Variants in FAM227B observed in about 807,000 individuals in gnomAD.
FAM227B encodes the protein family with sequence similarity 227 member B.
In FAM227B, 88 loss-of-function variants were observed where a neutral mutation model predicts 73.8. The observed-to-expected ratio is 1.19, with a 90% CI of 1.00 to 1.42. The LOEUF (loss-of-function observed/expected upper bound fraction) is 1.42, where lower values mean the gene tolerates loss of function less well. FAM227B is among the 40% of genes most tolerant of loss of function. The pLI is 0.00. For synonymous variants in FAM227B, 210 were observed against 190.5 expected (o/e 1.10, Z -0.84); for missense variants, 632 against 590.9 (o/e 1.07, Z -0.72).
rs563473641 is a variant in FAM227B at position 49,423,377 on chromosome 15, A to G, written c.1013-51978T>C. The G allele has an allele frequency of 2.0e-5, 3 of 152,316 alleles. No individual in the cohort carries two copies. In the East Asian group the frequency reaches 5.8e-4, roughly 29 times the overall value. 9.4% of individuals were successfully genotyped at this position (152,316 alleles called of 1,614,324 possible). ...GTTTGTAGCTACAGTAGAAAGGCTC[A>G]AGTTGCACCAGGCAGACAACAGACA... On this transcript the variant is annotated intron_variant, in intron 11 of 15. Coordinates refer to ENST00000299338, the MANE Select transcript of FAM227B (RefSeq NM_152647.3).
intron 11 of FAM227B, among the ~76,000 whole-genome samples, chr15:49,410,332 T>G (rs534528947): frequency 6.6e-6 from 1 of 152,182 alleles, no homozygotes. Flanking sequence ...ATAGGCCACG[T>G]TGTTTCATGC....
chr15:49,376,424 AC>A (rs1431213710), intron 11 of FAM227B, among the ~76,000 whole-genome samples: 2 of 151,964 alleles, frequency 1.3e-5, no homozygotes, highest in Non-Finnish European at 2.9e-5. Context: ...AAAATCAATG[AC>A]CCATGAATGT....
intron 11 of FAM227B, among the ~76,000 whole-genome samples, chr15:49,501,639 G>A (rs756479783): frequency 3.9e-5 from 6 of 152,260 alleles, no homozygotes; most frequent in Non-Finnish European, 8.8e-5. Context: ...GCCTAGCCAT[G>A]TGGCAGAGAA....
chr15:49,620,078 C>T (rs768997682), intron 1 of FAM227B: 2 of 152,174 alleles, frequency 1.3e-5, no homozygotes, highest in African/African-American at 2.4e-5. Flanking sequence ...CCCACACAAT[C>T]CCCTTTCCAG....
intron 11 of FAM227B, among the ~76,000 whole-genome samples, chr15:49,458,838 T>G (rs190324306): frequency 1.1e-3 from 161 of 152,280 alleles, no homozygotes; most frequent in Non-Finnish European, 1.7e-3. Context: ...TTCAAAGTAT[T>G]TCCCCCCTGC....
At chr15:49,448,201 T>C (rs1010390662) in intron 11 of FAM227B, among the ~76,000 whole-genome samples, 2 of 151,768 alleles carry the variant, frequency 1.3e-5, no homozygotes, top group African/African-American at 4.8e-5. Flanking sequence ...AACTTTCTTT[T>C]CAACCTTCTC....
At chr15:49,617,018 ATT>A (rs2078332968) in intron 1 of FAM227B, among the ~76,000 whole-genome samples, 1 of 151,966 alleles carries the variant, frequency 6.6e-6, no homozygotes, top group African/African-American at 2.4e-5. Context: ...AATTTCATTG[ATT>A]TATTCTTATC....
At chr15:49,381,661 G>A (rs1276520481) in intron 11 of FAM227B, among the ~76,000 whole-genome samples, 1 of 152,128 alleles carries the variant, frequency 6.6e-6, no homozygotes, top group African/African-American at 2.4e-5. Context: ...ACACTGCTCT[G>A]TAAATCCTAA....
chr15:49,556,635 C>T (rs1034890287), intron 9 of FAM227B, among the ~76,000 whole-genome samples: 9 of 151,638 alleles, frequency 5.9e-5, no homozygotes, highest in African/African-American at 1.9e-4. Context: ...CTGCAAGCAA[C>T]CATGGAAAGG....
chr15:49,378,635 G>A (rs1184999061), intron 11 of FAM227B, among the ~76,000 whole-genome samples: 1 of 152,084 alleles, frequency 6.6e-6, no homozygotes, highest in South Asian at 2.1e-4. Context: ...ATGTGCTACT[G>A]ATTTTTGTTT....
chr15:49,591,031 T>TG (rs1567655429), intron 3 of FAM227B, among the ~76,000 whole-genome samples: 10 of 140,350 alleles, frequency 7.1e-5, no homozygotes, highest in African/African-American at 2.7e-4. Flanking sequence ...TTTTTTTTGT[T>TG]TTTTTTTTTT....
At chr15:49,388,544 G>A (rs1448750031) in intron 11 of FAM227B, among the ~76,000 whole-genome samples, 6 of 151,630 alleles carry the variant, frequency 4.0e-5, no homozygotes, top group African/African-American at 4.8e-5. Context: ...AGAAGACAAC[G>A]TTGGAAAAAC....
intron 3 of FAM227B, among the ~76,000 whole-genome samples, chr15:49,606,794 T>C (rs1283363270): frequency 6.6e-6 from 1 of 152,130 alleles, no homozygotes; most frequent in African/African-American, 2.4e-5. Context: ...TAATACTAAA[T>C]TGTTTAGGAA....
intron 3 of FAM227B, among the ~76,000 whole-genome samples, chr15:49,592,562 C>T (rs959281884): frequency 2.6e-5 from 4 of 152,186 alleles, no homozygotes; most frequent in African/African-American, 9.7e-5. Context: ...CTGGAAGCTT[C>T]GTCCCACAGT....
intron 14 of FAM227B, 59 bp from the exon 15 acceptor site, chr15:49,331,908 C>T (rs1365207919): frequency 2.1e-6 from 2 of 936,230 alleles, no homozygotes; most frequent in Non-Finnish European, 3.5e-6. Context: ...TTGACACCAT[C>T]TAAATAGCCA....
At chr15:49,547,562 T>C (rs2072119343) in intron 9 of FAM227B, among the ~76,000 whole-genome samples, 1 of 151,766 alleles carries the variant, frequency 6.6e-6, no homozygotes, top group Non-Finnish European at 1.5e-5. Flanking sequence ...ACACATAGGC[T>C]CAAAATAAAG....
chr15:49,449,175 C>G (rs1259858252), intron 11 of FAM227B, among the ~76,000 whole-genome samples: 1 of 151,936 alleles, frequency 6.6e-6, no homozygotes, highest in East Asian at 1.9e-4. Context: ...GACTGCATTA[C>G]TAAGTCTAAG....
intron 5 of FAM227B, among the ~76,000 whole-genome samples, chr15:49,580,307 C>T (rs922379246): frequency 6.6e-6 from 1 of 152,144 alleles, no homozygotes; most frequent in African/African-American, 2.4e-5. Flanking sequence ...CTTGGCTGAG[C>T]GAGTGCCCAG....
intron 3 of FAM227B, among the ~76,000 whole-genome samples, chr15:49,605,577 GGGGTTTGGCTTTAAGCCTAGGTCTCAGGA>G (rs2077466196): frequency 6.6e-6 from 1 of 151,958 alleles, no homozygotes; most frequent in South Asian, 2.1e-4. Flanking sequence ...CTGGACTTGT[GGGGTTTGGCTTTAAGCCTAGGTCTCAGGA>G]GCAGTCCTGG....
Sources: gnomAD v4.1 joint callset for allele counts (sites outside exome capture counted in the v4.1 genomes callset) on GRCh38, gnomAD v4.1.1 for gene constraint, MANE v1.5 for transcripts, NCBI Gene and HGNC (gene_info 2026-07-23, HGNC 2026-07-21) for gene names.